The following BAZ1B variants were observed in gnomAD, a reference collection of about 807,000 sequenced individuals.
BAZ1B encodes the protein tyrosine-protein kinase BAZ1B.
BAZ1B carries 22 observed loss-of-function variants against 153.8 expected under a neutral mutation model. The observed-to-expected ratio is 0.14, with a 90% CI of 0.10 to 0.20. The LOEUF (loss-of-function observed/expected upper bound fraction) is 0.20. BAZ1B is among the 10% of genes least tolerant of loss of function. BAZ1B has a pLI of 1.00. For missense variants in BAZ1B, 1,325 were observed against 1,799.3 expected, an observed-to-expected ratio of 0.74 and a Z score of 4.77; for synonymous variants, 676 against 633.4, an observed-to-expected ratio of 1.07 and a Z score of -1.01.
Position 73,469,571 on chromosome 7 carries a change from T to C in BAZ1B, c.2812A>G (p.Asn938Asp). Residue 938 changes from asparagine to aspartate, a missense_variant, in exon 9 of 20, where the codon AAC (asparagine) becomes GAC (aspartate). Physicochemically the swap from Asn to Asp is conservative, Grantham distance 23. Coordinates refer to ENST00000339594, the MANE Select transcript of BAZ1B (RefSeq NM_032408.4). ...ACTGTGTGGTCTTTGCAGTGATGGT[T>C]GAATCGGTAGTCAATGCTGTCATGT... ...WVHDSIDYRFNHHCKDHTVSG... is the reference protein window; with the variant it reads ...WVHDSIDYRFDHHCKDHTVSG... 2 of 1,614,190 alleles carry C rather than the reference T, an allele frequency of 1.2e-6. No homozygotes were observed. The highest frequency in any genetic ancestry group is 1.6e-4 in the Middle Eastern group (1 of 6,062).
In BAZ1B at chr7:73,484,159, G is replaced by A. The variant is rs182476875; in HGVS notation, c.891+5035C>T. On this transcript the variant is annotated intron_variant, in intron 6 of 19. Transcript: ENST00000339594. ...TGGGTGCCTGTAGTCCCAGCTACTC[G>A]GGAGGCTGAGGCAGGAGAATCGCTG... Among the ~76,000 whole-genome samples the A allele has an allele frequency of 5.9e-5, 9 of 152,198 alleles. No homozygotes were observed. The East Asian group carries it at 7.7e-4, about 13-fold the overall frequency.
chr7:73,517,972 T>C (rs1790877593), intron 1 of BAZ1B, among the ~76,000 whole-genome samples: 1 of 152,224 alleles, frequency 6.6e-6, no homozygotes, highest in South Asian at 2.1e-4. Flanking sequence ...AGTCAGAAGA[T>C]GGCAAAGAGT....
intron 9 of BAZ1B, among the ~76,000 whole-genome samples, chr7:73,468,441 C>T (rs1165945005): frequency 1.3e-5 from 2 of 152,062 alleles, no homozygotes; most frequent in African/African-American, 4.8e-5. Context: ...TTCATCTAGC[C>T]CAAAATGTCA....
At position 73,459,722 on chromosome 7, in the gene BAZ1B, T is replaced by C. The variant is rs372090497; in HGVS notation, c.3250-4A>G. 7.6e-6 allele frequency: 12 copies of C among 1,575,610 alleles called. No homozygotes were observed. The highest frequency in any genetic ancestry group is 1.7e-4 in the Middle Eastern group (1 of 5,870). On this transcript the variant is annotated splice_polypyrimidine_tract_variant and splice_region_variant and intron_variant, in intron 12 of 19. Transcript: ENST00000339594. ...TCAATTTCTCTAATGAAATGACCTA[T>C]AGGAAAGGATTTTAAAACCAGACTG... is the stretch of plus-strand genomic sequence containing the variant.
At chr7:73,493,774 G>A (rs1789752687) in intron 4 of BAZ1B, among the ~76,000 whole-genome samples, 2 of 151,200 alleles carry the variant, frequency 1.3e-5, no homozygotes, top group South Asian at 4.2e-4. Context: ...GGGAGGTCAG[G>A]GCTGCAGTGA....
In BAZ1B at chr7:73,488,514, T is replaced by C. The variant is rs1789506895; in HGVS notation, c.891+680A>G. 5.9e-5 allele frequency among the ~76,000 whole-genome samples: 9 copies of C among 152,088 alleles called. No homozygotes were observed. In the South Asian group the frequency reaches 1.9e-3, roughly 32 times the overall value. ...TGGGAGGCCGAGGCAGGCGGATCACTTGAGGTCAGGAGCTCAAGACTAGCC... is the reference window on the plus strand; with the variant it reads ...TGGGAGGCCGAGGCAGGCGGATCACCTGAGGTCAGGAGCTCAAGACTAGCC... On this transcript the variant is annotated intron_variant, in intron 6 of 19. Coordinates refer to ENST00000339594, the MANE Select transcript of BAZ1B (RefSeq NM_032408.4).
chr7:73,480,144 C>T (rs555310955), intron 6 of BAZ1B, among the ~76,000 whole-genome samples: 80 of 145,058 alleles, frequency 5.5e-4, no homozygotes, highest in African/African-American at 2.0e-3. Flanking sequence ...GGCGATGGAG[C>T]AAGACTCTGC....
chr7:73,522,032 G>T lies in BAZ1B; in HGVS notation c.-99C>A. 1 of 866,356 alleles carries T rather than the reference G, an allele frequency of 1.2e-6. No individual in the cohort carries two copies. Among genetic ancestry groups the T allele is most frequent in the Non-Finnish European group, 1.5e-6 (1 of 655,622 alleles). The allele number at this position is 866,356 out of a possible 1,614,324, so 53.7% of individuals were successfully genotyped here. Reference sequence around the variant, plus strand: ...AGCGAGCGCCAGGCGCCCGGGGGTGGGGTGGGGGAAGGGAGGGGTGAGAGG... The same window carrying T: ...AGCGAGCGCCAGGCGCCCGGGGGTGTGGTGGGGGAAGGGAGGGGTGAGAGG... On this transcript the variant is annotated 5_prime_UTR_variant, in exon 1 of 20. Coordinates refer to ENST00000339594, the MANE Select transcript of BAZ1B (RefSeq NM_032408.4).
Position 73,498,501 on chromosome 7 carries a change from A to T in BAZ1B, c.567T>A (p.Ser189Arg), listed in dbSNP as rs1187000857. 5 of 1,606,174 alleles carry T rather than the reference A, an allele frequency of 3.1e-6. No homozygotes were observed. The highest frequency in any genetic ancestry group is 1.3e-5 in the African/African-American group (1 of 74,672). The change falls in exon 4 of 20, where the codon AGT becomes AGA. Residue 189 changes from serine to arginine, a missense_variant. Physicochemically the swap from Ser to Arg is moderately radical, Grantham distance 110 (BLOSUM62 -1). Transcript: ENST00000339594. ...VVKEDEGRRE[S>R]INDRARRSPR... ...GAAAGCTAATATCAAACATACTAAT[A>T]CTCTCTCTCCTTCCTTCATCCTCTT...
At chr7:73,484,629 A>C (rs1003466694) in intron 6 of BAZ1B, among the ~76,000 whole-genome samples, 7 of 152,184 alleles carry the variant, frequency 4.6e-5, no homozygotes, top group African/African-American at 1.7e-4. Flanking sequence ...GGGCAGAGCA[A>C]GAGCCTGTCT....
rs547376907 is a variant in BAZ1B at position 73,470,872 on chromosome 7, C to A, written c.2594-389G>T. ...CGCCTCAGCCTCCTGTGTCGCTGGA[C>A]TACAGGCACACACCACCGTGTCCAG... is the stretch of plus-strand genomic sequence containing the variant. On this transcript the variant is annotated intron_variant, in intron 7 of 19. Transcript: ENST00000339594. Among the ~76,000 whole-genome samples, 286 of 152,260 alleles carry A rather than the reference C, an allele frequency of 1.9e-3. 1 individual carries two copies. The highest frequency in any genetic ancestry group is 1.9e-3 in the Non-Finnish European group (127 of 68,032).
chr7:73,471,016 T>G (rs559135273), intron 7 of BAZ1B, among the ~76,000 whole-genome samples: 180 of 152,342 alleles, frequency 1.2e-3, no homozygotes, highest in African/African-American at 4.3e-3. Flanking sequence ...ATTATAGGCG[T>G]GAGCCACCAC....
intron 11 of BAZ1B, among the ~76,000 whole-genome samples, chr7:73,463,845 C>G (rs774785479): frequency 1.7e-4 from 26 of 152,042 alleles, no homozygotes; most frequent in Non-Finnish European, 3.5e-4. Context: ...GTAGCTGGGA[C>G]TACAGGCACC....
intron 17 of BAZ1B, among the ~76,000 whole-genome samples, chr7:73,443,526 GTTT>G (rs1318097589): frequency 1.1e-4 from 13 of 123,530 alleles, no homozygotes; most frequent in Non-Finnish European, 2.1e-4. Context: ...CTTTTCAAGA[GTTT>G]CTTTTTTGTT....
chr7:73,483,621 C>G (rs116911692), intron 6 of BAZ1B, among the ~76,000 whole-genome samples: 3,303 of 152,172 alleles, frequency 0.022, 48 homozygotes, highest in Middle Eastern at 0.061. Context: ...TCTGTTCTAA[C>G]CCCTAACTCA....
chr7:73,518,015 TTCTC>T (rs1258519401), intron 1 of BAZ1B, among the ~76,000 whole-genome samples: 2 of 152,216 alleles, frequency 1.3e-5, no homozygotes, highest in Non-Finnish European at 2.9e-5. Flanking sequence ...TTACTCGATA[TTCTC>T]TCTTACTCGA....
At chr7:73,488,450 G>A (rs781940216) in intron 6 of BAZ1B, among the ~76,000 whole-genome samples, 30 of 151,910 alleles carry the variant, frequency 2.0e-4, no homozygotes, top group Non-Finnish European at 2.6e-4. Flanking sequence ...ACTCCTTCTC[G>A]GCCAGGCATG....
intron 13 of BAZ1B, among the ~76,000 whole-genome samples, chr7:73,456,213 C>A (rs187855075): frequency 1.3e-5 from 2 of 151,970 alleles, no homozygotes; most frequent in Non-Finnish European, 2.9e-5. Context: ...TAGAAAAATA[C>A]AAGAGAAAGA....
intron 2 of BAZ1B, 45 bp from the exon 3 acceptor site, chr7:73,508,516 C>T: frequency 6.5e-7 from 1 of 1,547,636 alleles, no homozygotes; most frequent in Non-Finnish European, 8.8e-7. Context: ...GAAACACCTA[C>T]CCAGAGATTT....
Sources: gnomAD v4.1 joint callset for allele counts (sites outside exome capture counted in the v4.1 genomes callset) on GRCh38, gnomAD v4.1.1 for gene constraint, MANE v1.5 for transcripts, NCBI Gene and HGNC (gene_info 2026-07-23, HGNC 2026-07-21) for gene names.